The following C4BPB variants were observed in gnomAD, a reference collection of about 807,000 sequenced individuals.
C4BPB encodes the protein complement component 4 binding protein beta, also known as C4b-binding protein beta chain.
A neutral mutation model predicts 26.6 loss-of-function variants in C4BPB; 19 were observed. The ratio of observed to expected loss-of-function variants is 0.71; its 90% CI spans 0.50 to 1.05. The LOEUF (loss-of-function observed/expected upper bound fraction) is 1.05. C4BPB is among the 50% of genes least tolerant of loss of function. The pLI is 0.00. For missense variants in C4BPB, 282 were observed against 302.9 expected, an observed-to-expected ratio of 0.93 and a Z score of 0.51; for synonymous variants, 118 against 103.5, an observed-to-expected ratio of 1.14 and a Z score of -0.85.
At chr1:207,097,520 G>T (rs931968554) in intron 5 of C4BPB, among the ~76,000 whole-genome samples, 2 of 133,206 alleles carry the variant, frequency 1.5e-5, no homozygotes, top group Admixed American at 8.2e-5. Context: ...ACTGTGCCTG[G>T]CCTAAAATGT....
intron 4 of C4BPB, 155 bp downstream of exon 4, chr1:207,091,975 A>G: frequency 1.6e-6 from 1 of 622,388 alleles, no homozygotes; most frequent in Non-Finnish European, 2.7e-6. Flanking sequence ...GAGCTCACAG[A>G]ACCAAATCTC....
chr1:207,099,399 C>G (rs1038296193), intron 6 of C4BPB, among the ~76,000 whole-genome samples: 1 of 152,140 alleles, frequency 6.6e-6, no homozygotes, highest in Non-Finnish European at 1.5e-5. Flanking sequence ...GCTGTGTGGC[C>G]CAGTTCCTAA....
chr1:207,098,042 G>T lies in C4BPB; in HGVS notation c.504-108G>T, dbSNP rs55926923. The stretch of plus-strand genomic sequence containing the variant: ...TGCATTGAGGCTCAAGGGCAGGGAG[G>T]TGGATTCCATCACAGCATGAAATAC... On this transcript the variant is annotated intron_variant, in intron 5 of 6. Coordinates refer to ENST00000367078, the MANE Select transcript of C4BPB (RefSeq NM_001017365.3). The T allele has an allele frequency of 4.9e-3, 3,996 of 818,436 alleles. 27 individuals carry two copies. Among genetic ancestry groups the T allele is most frequent in the African/African-American group, 0.025 (1,484 of 58,960 alleles). The allele number at this position is 818,436 out of a possible 1,614,324, so 50.7% of individuals were successfully genotyped here.
rs1281319336 is a variant in C4BPB, at chr1:207,092,934, C to T, written c.409+1114C>T. On this transcript the variant is annotated intron_variant, in intron 4 of 6. Transcript: ENST00000367078. The stretch of plus-strand genomic sequence containing the variant: ...GCCACCGCACCAGGCTACTACATTG[C>T]TATTTCTATAGGATAGATTCCTAAA... Among the ~76,000 whole-genome samples the T allele has an allele frequency of 2.6e-5, 4 of 152,100 alleles. 1 individual carries two copies. Among genetic ancestry groups the T allele is most frequent in the Middle Eastern group, 6.8e-3 (2 of 294 alleles).
intron 4 of C4BPB, chr1:207,095,998 G>A (rs1684235694): frequency 5.7e-6 from 1 of 176,620 alleles, no homozygotes; most frequent in Non-Finnish European, 1.2e-5. Flanking sequence ...GCAGAACTGT[G>A]AGCCAATTAA....
chr1:207,093,076 T>G (rs1194062839), intron 4 of C4BPB, among the ~76,000 whole-genome samples: 1 of 152,198 alleles, frequency 6.6e-6, no homozygotes, highest in Non-Finnish European at 1.5e-5. Context: ...AAAAAATCAA[T>G]GTTTTCATTT....
At position 207,089,552 on chromosome 1, in the gene C4BPB, CTG is replaced by C; in HGVS notation, c.23_24del (p.Cys8SerfsTer24). The stretch of plus-strand genomic sequence containing the variant: ...ACCAGATGTTTTTTTGGTGTGCGTG[CTG>C]TCTTATGGTTGCGTGGCGAGTTTCT... MFFWCAC[C>X]LMVAWRVSAS... On this transcript the variant is annotated frameshift_variant, in exon 2 of 7. Transcript: ENST00000367078. LOFTEE classifies it high-confidence loss of function. 1 of 1,613,994 alleles carries C rather than the reference CTG, an allele frequency of 6.2e-7. No homozygotes were observed.
At chr1:207,089,855 C>G (rs1290826094) in intron 2 of C4BPB, among the ~76,000 whole-genome samples, 1 of 152,172 alleles carries the variant, frequency 6.6e-6, no homozygotes, top group Non-Finnish European at 1.5e-5. Flanking sequence ...ATTTCAAAAT[C>G]CTGGGAGGTC....
chr1:207,090,308 C>G lies in C4BPB; in HGVS notation c.59C>G (p.Ala20Gly), dbSNP rs760484056. The G allele has an allele frequency of 3.7e-6, 6 of 1,602,144 alleles. No individual in the cohort carries two copies. Among genetic ancestry groups the G allele is most frequent in the South Asian group, 2.2e-5 (2 of 89,300 alleles). The change falls in exon 3 of 7, where the codon GCA (alanine) becomes GGA (glycine). Residue 20 changes from alanine (A) to glycine (G), a missense_variant and splice_region_variant. Coordinates refer to ENST00000367078, the MANE Select transcript of C4BPB (RefSeq NM_001017365.3). ...GAATCTGTTTTCTTTTTTCTTCCAGCAGAGCACTGTCCAGAGCTTCCTCCA... is the reference window on the plus strand; with the variant it reads ...GAATCTGTTTTCTTTTTTCTTCCAGGAGAGCACTGTCCAGAGCTTCCTCCA... ...MVAWRVSASD[A>G]EHCPELPPVD... is the part of the protein sequence containing the mutation.
chr1:207,097,869 C>T (rs1684320344), intron 5 of C4BPB: 1 of 268,570 alleles, frequency 3.7e-6, no homozygotes, highest in East Asian at 7.6e-5. Context: ...ATCACTCTCC[C>T]CACCCAAAAC....
Position 207,091,761 on chromosome 1 carries a change from A to T in C4BPB, c.350A>T (p.Asn117Ile), listed in dbSNP as rs761658324. 6.4e-5 allele frequency: 104 copies of T among 1,614,072 alleles called. No individual in the cohort carries two copies. The highest frequency in any genetic ancestry group is 8.1e-5 in the Non-Finnish European group (96 of 1,180,024). ...CNDHYILKGS[N>I]RSQCLEDHTW... ...GACCACTACATCCTCAAGGGCAGCA[A>T]TCGGAGCCAGTGTCTAGAGGACCAC... is the stretch of plus-strand genomic sequence containing the variant. The change falls in exon 4 of 7, where the codon AAT becomes ATT. Residue 117 changes from asparagine (N) to isoleucine (I), a missense_variant. Asn to Ile is a moderately radical substitution (Grantham distance 149, BLOSUM62 -3). Transcript: ENST00000367078.
At chr1:207,091,498 G>A in intron 3 of C4BPB, 146 bp from the exon 4 acceptor site, 1 of 609,354 alleles carries the variant, frequency 1.6e-6, no homozygotes, top group Non-Finnish European at 2.9e-6. Flanking sequence ...GCATTGATAT[G>A]GTAGTACCAT....
chr1:207,096,934 T>G, intron 5 of C4BPB, among the ~76,000 whole-genome samples: 1 of 152,148 alleles, frequency 6.6e-6, no homozygotes, highest in East Asian at 1.9e-4. Flanking sequence ...CACTTTGGGA[T>G]GCTAAGGCAG....
At chr1:207,095,614 C>T (rs1487868823) in intron 4 of C4BPB, 3 of 350,666 alleles carry the variant, frequency 8.6e-6, no homozygotes, top group East Asian at 8.0e-5. Context: ...CAGGTGTGAG[C>T]CACTGCTCCC....
chr1:207,096,316 C>T (rs939011986), intron 4 of C4BPB: 1 of 554,512 alleles, frequency 1.8e-6, no homozygotes, highest in Non-Finnish European at 3.2e-6. Context: ...AGCTCTTTCC[C>T]ATGGACAAAT....
chr1:207,099,986 T>C lies in C4BPB; in HGVS notation c.*57T>C, dbSNP rs551205081. ...ACCTATGAATAAATTTTCTTCTTGG[T>C]TCTGAAATTGGTTTCAGATTTACCT... On this transcript the variant is annotated 3_prime_UTR_variant, in exon 7 of 7. Transcript: ENST00000367078. The C allele has an allele frequency of 8.8e-4, 1,344 of 1,528,376 alleles. 3 individuals are homozygous for C. Among genetic ancestry groups the C allele is most frequent in the Non-Finnish European group, 1.1e-3 (1,192 of 1,127,230 alleles). The allele number at this position is 1,528,376 out of a possible 1,614,324, so 94.7% of individuals were successfully genotyped here. A position where few individuals can be genotyped will look rare whatever the true frequency, so the allele number is the denominator to read the frequency against.
At chr1:207,096,464 C>A in intron 4 of C4BPB, 58 bp from the exon 5 acceptor site, 1 of 985,736 alleles carries the variant, frequency 1.0e-6, no homozygotes, top group Non-Finnish European at 1.6e-6. Context: ...ATTAGGGGTG[C>A]TGTTCATTGA....
intron 6 of C4BPB, among the ~76,000 whole-genome samples, chr1:207,099,235 C>A (rs970130046): frequency 6.6e-6 from 1 of 152,218 alleles, no homozygotes; most frequent in Non-Finnish European, 1.5e-5. Flanking sequence ...CTAGATCCCT[C>A]GCATGAGCAG....
intron 3 of C4BPB, 136 bp from the exon 4 acceptor site, chr1:207,091,508 T>G: frequency 1.5e-6 from 1 of 645,516 alleles, no homozygotes; most frequent in Non-Finnish European, 2.7e-6. Flanking sequence ...GGTAGTACCA[T>G]GTACTTCACT....
Sources: gnomAD v4.1 joint callset for allele counts (sites outside exome capture counted in the v4.1 genomes callset) on GRCh38, gnomAD v4.1.1 for gene constraint, MANE v1.5 for transcripts, NCBI Gene and HGNC (gene_info 2026-07-23, HGNC 2026-07-21) for gene names.